ESRRG: variants seen among roughly 807,000 people sequenced by gnomAD.
ESRRG encodes the protein estrogen-related receptor gamma.
In ESRRG, 13 loss-of-function variants were observed where a neutral mutation model predicts 44.0. The observed-to-expected ratio is 0.30, with a 90% CI of 0.19 to 0.47. ESRRG has a LOEUF of 0.47. Ranked by LOEUF, ESRRG falls within the 20% of genes least tolerant of loss-of-function variation. The probability of loss-of-function intolerance (pLI) is 1.00; values close to 1 mark genes in which losing one functional copy is unlikely to be tolerated. For missense variants in ESRRG, 395 were observed against 580.6 expected, an observed-to-expected ratio of 0.68 and a Z score of 3.29; for synonymous variants, 215 against 214.6, an observed-to-expected ratio of 1.00 and a Z score of -0.02.
intron 3 of ESRRG, among the ~76,000 whole-genome samples, chr1:216,573,168 G>T (rs1029795283): frequency 5.3e-5 from 8 of 151,832 alleles, no homozygotes; most frequent in Non-Finnish European, 1.0e-4. Flanking sequence ...CTGCAATCAT[G>T]ATTTTGTGAA....
chr1:216,824,407 C>G (rs1048935103), intron 2 of ESRRG, among the ~76,000 whole-genome samples: 2 of 151,912 alleles, frequency 1.3e-5, no homozygotes, highest in Admixed American at 1.3e-4. Context: ...GATCGTGTCA[C>G]TTCACTCCAG....
intron 1 of ESRRG, among the ~76,000 whole-genome samples, chr1:216,718,439 A>G (rs2085387412): frequency 6.6e-6 from 1 of 151,960 alleles, no homozygotes; most frequent in Non-Finnish European, 1.5e-5. Context: ...TAGTTCATGT[A>G]TATCCACATA....
intron 1 of ESRRG, among the ~76,000 whole-genome samples, chr1:217,128,016 T>C (rs2092914114): frequency 6.6e-6 from 1 of 152,196 alleles, no homozygotes; most frequent in African/African-American, 2.4e-5. Context: ...CAGCCACACA[T>C]GTGCTCGCTG....
chr1:216,618,068 T>C (rs528593258), intron 3 of ESRRG, among the ~76,000 whole-genome samples: 1 of 152,236 alleles, frequency 6.6e-6, no homozygotes, highest in East Asian at 1.9e-4. Flanking sequence ...AAGTACTTAT[T>C]AGAGTATCAG....
intron 1 of ESRRG, among the ~76,000 whole-genome samples, chr1:217,010,905 A>G (rs919009541): frequency 6.6e-6 from 1 of 152,120 alleles, no homozygotes; most frequent in African/African-American, 2.4e-5. Context: ...TTAGCCCCTT[A>G]CCTCCTTACC....
At chr1:216,815,652 C>T (rs534968010) in intron 2 of ESRRG, among the ~76,000 whole-genome samples, 2 of 152,310 alleles carry the variant, frequency 1.3e-5, no homozygotes, top group South Asian at 2.1e-4. Flanking sequence ...AGTGCTTTAT[C>T]TGCCAACTGA....
intron 1 of ESRRG, among the ~76,000 whole-genome samples, chr1:217,074,444 ACC>A (rs141104601): frequency 3.9e-5 from 4 of 102,488 alleles, no homozygotes; most frequent in African/African-American, 4.2e-5. Context: ...TCAGAAATCC[ACC>A]CCCCCCAAAA....
chr1:216,621,018 A>G (rs1308440619), intron 3 of ESRRG, among the ~76,000 whole-genome samples: 2 of 152,186 alleles, frequency 1.3e-5, no homozygotes, highest in Non-Finnish European at 2.9e-5. Flanking sequence ...TTTCCAATGA[A>G]GATTCCCATC....
intron 1 of ESRRG, among the ~76,000 whole-genome samples, chr1:216,678,479 C>A (rs971822765): frequency 3.3e-5 from 5 of 152,164 alleles, no homozygotes; most frequent in Admixed American, 2.0e-4. Flanking sequence ...TCCCCCACTT[C>A]TTTTTGCCAT....
chr1:216,829,746 G>A (rs1015115896), intron 2 of ESRRG, among the ~76,000 whole-genome samples: 2 of 151,914 alleles, frequency 1.3e-5, no homozygotes, highest in Non-Finnish European at 2.9e-5. Context: ...TAGAGATGGG[G>A]TTTCACCATG....
intron 1 of ESRRG, among the ~76,000 whole-genome samples, chr1:216,685,247 A>T (rs2077714655): frequency 7.0e-6 from 1 of 142,380 alleles, no homozygotes; most frequent in African/African-American, 2.5e-5. Context: ...ATGAGATTTT[A>T]TAAAAAAAAA....
intron 2 of ESRRG, among the ~76,000 whole-genome samples, chr1:216,922,449 T>C (rs553753734): frequency 7.2e-5 from 11 of 152,246 alleles, no homozygotes; most frequent in African/African-American, 2.6e-4. Flanking sequence ...CTAAGGATCA[T>C]ATTTGTCCAT....
Position 216,775,551 on chromosome 1 carries a change from C to CTTTTTTTTTTTTTTT in ESRRG, c.-13-98075_-13-98061dup, listed in dbSNP as rs71163765. On this transcript the variant is annotated intron_variant, in intron 2 of 7. Coordinates refer to the ESRRG transcript ENST00000359162. ...TTCCCACCTAAATAAAATGTCACAT[C>CTTTTTTTTTTTTTTT]TTTTTTTTTTTTTTTTTTTTTTTTT... is the stretch of plus-strand genomic sequence containing the variant. Among the ~76,000 whole-genome samples, 4 of 74,834 alleles carry CTTTTTTTTTTTTTTT rather than the reference C, an allele frequency of 5.3e-5. 1 individual carries two copies. Among genetic ancestry groups the CTTTTTTTTTTTTTTT allele is most frequent in the Admixed American group, 2.8e-4 (2 of 7,028 alleles). The allele number at this position is 74,834 out of a possible 152,430, so 49.1% of individuals were successfully genotyped here.
intron 1 of ESRRG, among the ~76,000 whole-genome samples, chr1:216,713,861 T>C (rs2084195010): frequency 6.6e-6 from 1 of 152,184 alleles, no homozygotes; most frequent in South Asian, 2.1e-4. Flanking sequence ...CCAGTAGAAG[T>C]GATTATTCTT....
chr1:216,593,269 T>C (rs557302192), intron 3 of ESRRG, among the ~76,000 whole-genome samples: 1 of 152,346 alleles, frequency 6.6e-6, no homozygotes, highest in Non-Finnish European at 1.5e-5. Flanking sequence ...TATTGTTAAT[T>C]GTTTTCTTTT....
intron 5 of ESRRG, among the ~76,000 whole-genome samples, chr1:216,546,811 T>TTATATA (rs10535177): frequency 6.7e-6 from 1 of 149,328 alleles, no homozygotes; most frequent in African/African-American, 2.5e-5. Context: ...TGCTATCTCT[T>TTATATA]TATATATATA....
intron 1 of ESRRG, among the ~76,000 whole-genome samples, chr1:217,132,339 G>A (rs536876506): frequency 6.6e-6 from 1 of 152,270 alleles, no homozygotes; most frequent in Admixed American, 6.5e-5. Context: ...TGGGAAAAGG[G>A]AGAGGAACAA....
chr1:216,804,598 TGTA>T (rs1258300269), intron 2 of ESRRG, among the ~76,000 whole-genome samples: 28 of 152,154 alleles, frequency 1.8e-4, no homozygotes, highest in Admixed American at 6.6e-5. Context: ...TTTATTAACT[TGTA>T]GGAGCAATCA....
chr1:217,049,244 C>T (rs1178984491), intron 1 of ESRRG, among the ~76,000 whole-genome samples: 1 of 152,162 alleles, frequency 6.6e-6, no homozygotes, highest in Non-Finnish European at 1.5e-5. Flanking sequence ...GTTATGCAAA[C>T]TAATTTTCTG....
Sources: allele counts gnomAD v4.1 joint callset (sites outside exome capture counted in the v4.1 genomes callset), GRCh38; gene constraint gnomAD v4.1.1; transcripts MANE v1.5; gene names NCBI Gene and HGNC (gene_info 2026-07-23, HGNC 2026-07-21).